Variants in IQCM observed in about 807,000 individuals in gnomAD.
IQCM encodes the protein IQ domain-containing protein M.
IQCM carries 45 observed loss-of-function variants against 57.6 expected under a neutral mutation model. That is an observed-to-expected ratio of 0.78 (90% confidence interval 0.62 to 1.00). The LOEUF (loss-of-function observed/expected upper bound fraction) is 1.00. Among genes scored for constraint, IQCM ranks in the 50% least tolerant of loss-of-function variants. The pLI, the probability that IQCM is intolerant of heterozygous loss-of-function variation, is 0.00. For synonymous variants in IQCM, 148 were observed against 158.9 expected, an observed-to-expected ratio of 0.93 and a Z score of 0.51; for missense variants, 468 against 511.6, an observed-to-expected ratio of 0.91 and a Z score of 0.82.
chr4:149,685,548 G>A (rs1332355356), intron 6 of IQCM, among the ~76,000 whole-genome samples: 2 of 151,418 alleles, frequency 1.3e-5, no homozygotes, highest in Admixed American at 6.6e-5. Flanking sequence ...ATCTTCTAGT[G>A]TTAAGCACAT....
At chr4:149,567,146 A>C (rs1750712175) in intron 9 of IQCM, among the ~76,000 whole-genome samples, 1 of 151,938 alleles carries the variant, frequency 6.6e-6, no homozygotes. Context: ...TATTCCTTTT[A>C]TTGTGCTTGT....
chr4:149,726,436 A>G (rs1384712695), intron 5 of IQCM, among the ~76,000 whole-genome samples: 1 of 152,160 alleles, frequency 6.6e-6, no homozygotes, highest in Non-Finnish European at 1.5e-5. Context: ...TAATTGAAAT[A>G]TGACTAATAT....
chr4:149,531,589 A>G (rs1206263879), intron 12 of IQCM, among the ~76,000 whole-genome samples: 1 of 152,138 alleles, frequency 6.6e-6, no homozygotes, highest in East Asian at 1.9e-4. Flanking sequence ...GGCATAAGAT[A>G]ATGACCAGGT....
At chr4:149,801,208 T>C (rs1242121436) in intron 2 of IQCM, among the ~76,000 whole-genome samples, 2 of 151,762 alleles carry the variant, frequency 1.3e-5, no homozygotes, top group East Asian at 3.9e-4. Context: ...CCAACAAATA[T>C]GGCTTATATT....
chr4:149,526,171 A>G (rs1746139287), intron 12 of IQCM, among the ~76,000 whole-genome samples: 1 of 151,936 alleles, frequency 6.6e-6, no homozygotes, highest in Non-Finnish European at 1.5e-5. Context: ...CAACAATTTT[A>G]CTCTTATAAA....
intron 12 of IQCM, among the ~76,000 whole-genome samples, chr4:149,492,289 C>T (rs1014866119): frequency 1.6e-4 from 24 of 151,942 alleles, no homozygotes; most frequent in African/African-American, 5.6e-4. Context: ...TTTTCTTGCA[C>T]AACTTTGGAT....
At chr4:149,572,993 GAAAA>G (rs933634922) in intron 9 of IQCM, among the ~76,000 whole-genome samples, 2 of 151,510 alleles carry the variant, frequency 1.3e-5, no homozygotes, top group Non-Finnish European at 2.9e-5. Flanking sequence ...TCCTAAGTAT[GAAAA>G]AAGCTATATG....
intron 5 of IQCM, among the ~76,000 whole-genome samples, chr4:149,729,581 T>A (rs1034164325): frequency 2.0e-5 from 3 of 152,116 alleles, no homozygotes; most frequent in African/African-American, 7.2e-5. Context: ...TTCAAGCGAT[T>A]CTCCTGCCTC....
rs533165074 is a variant in IQCM at position 149,410,182 on chromosome 4, AAAACAAAC to A, written c.1390+23206_1390+23213del. On this transcript the variant is annotated intron_variant, in intron 13 of 13. Coordinates refer to ENST00000636793, the MANE Select transcript of IQCM (RefSeq NM_001363507.2). ...TGGGCTACAGAGCAAGGCTCCATTT[AAAACAAAC>A]AAACAAACAAACAAACAAACAAAAA... 4.2e-3 allele frequency among the ~76,000 whole-genome samples: 633 copies of A among 152,144 alleles called. 1 individual carries two copies. The highest frequency in any genetic ancestry group is 0.013 in the African/African-American group (549 of 41,526).
At chr4:149,725,901 C>T (rs1356423503) in intron 5 of IQCM, among the ~76,000 whole-genome samples, 1 of 152,012 alleles carries the variant, frequency 6.6e-6, no homozygotes. Flanking sequence ...CATGTTCCCC[C>T]TATCTTCTTG....
At chr4:149,752,618 A>T (rs1247381309) in intron 2 of IQCM, among the ~76,000 whole-genome samples, 3 of 151,610 alleles carry the variant, frequency 2.0e-5, no homozygotes, top group Non-Finnish European at 4.4e-5. Context: ...TAGGGTAGGG[A>T]TGTACTTTTA....
At chr4:149,555,222 C>A (rs1329780798) in intron 10 of IQCM, among the ~76,000 whole-genome samples, 1 of 152,008 alleles carries the variant, frequency 6.6e-6, no homozygotes, top group African/African-American at 2.4e-5. Context: ...GTTCAATAGG[C>A]TTTTGTCTTT....
At chr4:149,650,442 G>C (rs1759064407) in intron 7 of IQCM, among the ~76,000 whole-genome samples, 1 of 149,732 alleles carries the variant, frequency 6.7e-6, no homozygotes, top group African/African-American at 2.5e-5. Context: ...ACCCAGGCTG[G>C]AGTGCAGTGG....
intron 13 of IQCM, chr4:149,430,170 T>A: frequency 2.4e-6 from 1 of 425,526 alleles, no homozygotes; most frequent in Non-Finnish European, 3.9e-6. Flanking sequence ...ACTGAGCACT[T>A]AAATATGCCT....
intron 10 of IQCM, 150 bp downstream of exon 10, chr4:149,563,542 C>T (rs765803471): frequency 5.8e-5 from 27 of 468,076 alleles, no homozygotes; most frequent in Admixed American, 5.0e-4. Flanking sequence ...GCCAAGATCA[C>T]GCCATTGCAC....
intron 2 of IQCM, among the ~76,000 whole-genome samples, chr4:149,782,050 C>G (rs558785550): frequency 2.0e-5 from 3 of 151,702 alleles, no homozygotes; most frequent in Non-Finnish European, 4.4e-5. Context: ...AATAAACAGC[C>G]CTAACACTTA....
intron 5 of IQCM, among the ~76,000 whole-genome samples, chr4:149,703,614 C>G (rs1263232845): frequency 1.3e-5 from 2 of 151,922 alleles, no homozygotes; most frequent in Admixed American, 6.6e-5. Context: ...AACATACTGT[C>G]AGACACTGCA....
chr4:149,768,946 T>G (rs892084646), intron 2 of IQCM, among the ~76,000 whole-genome samples: 1 of 152,088 alleles, frequency 6.6e-6, no homozygotes, highest in African/African-American at 2.4e-5. Flanking sequence ...CTTATGGACA[T>G]TTAAGCTATC....
intron 12 of IQCM, among the ~76,000 whole-genome samples, chr4:149,450,504 C>T (rs1736994569): frequency 6.6e-6 from 1 of 151,596 alleles, no homozygotes; most frequent in Non-Finnish European, 1.5e-5. Flanking sequence ...TGGGCTCAAA[C>T]TCTGTAGGAA....
Sources: allele counts gnomAD v4.1 joint callset (sites outside exome capture counted in the v4.1 genomes callset), GRCh38; gene constraint gnomAD v4.1.1; transcripts MANE v1.5; gene names NCBI Gene and HGNC (gene_info 2026-07-23, HGNC 2026-07-21).